The following THADA variants were observed in gnomAD, a reference collection of about 807,000 sequenced individuals.
THADA encodes the protein THADA armadillo repeat containing, also known as tRNA (32-2'-O)-methyltransferase regulator THADA.
THADA carries 213 observed loss-of-function variants against 219.8 expected under a neutral mutation model. The observed-to-expected ratio is 0.97, with a 90% CI of 0.87 to 1.09. THADA has a LOEUF of 1.09. Among genes scored for constraint, THADA ranks in the 50% least tolerant of loss-of-function variants. The probability of loss-of-function intolerance (pLI) is 0.00; values close to 1 mark genes in which losing one functional copy is unlikely to be tolerated. For missense variants in THADA, 2,956 were observed against 2,311.3 expected (o/e 1.28, Z -5.72); for synonymous variants, 1,018 against 828.9 (o/e 1.23, Z -3.92).
intron 29 of THADA, among the ~76,000 whole-genome samples, chr2:43,383,278 G>C (rs1672255474): frequency 6.6e-6 from 1 of 152,210 alleles, no homozygotes. Flanking sequence ...TATATGCTTA[G>C]TAATAGGTGT....
At chr2:43,313,815 A>C (rs1677774476) in intron 31 of THADA, among the ~76,000 whole-genome samples, 2 of 152,228 alleles carry the variant, frequency 1.3e-5, no homozygotes, top group South Asian at 4.1e-4. Context: ...TCCCTTCCCT[A>C]AGCGAGTGAC....
intron 30 of THADA, among the ~76,000 whole-genome samples, chr2:43,324,508 G>T (rs2104474840): frequency 6.6e-6 from 1 of 152,346 alleles, no homozygotes; most frequent in East Asian, 1.9e-4. Context: ...TGAAATTCCA[G>T]CCCGGAGCCC....
chr2:43,242,907 C>G (rs1374294339), intron 36 of THADA, among the ~76,000 whole-genome samples: 1 of 152,216 alleles, frequency 6.6e-6, no homozygotes, highest in African/African-American at 2.4e-5. Context: ...CTCCTCCACC[C>G]TGCCCAGTGC....
intron 36 of THADA, among the ~76,000 whole-genome samples, chr2:43,239,973 C>A (rs1668447314): frequency 6.6e-6 from 1 of 152,230 alleles, no homozygotes; most frequent in South Asian, 2.1e-4. Flanking sequence ...CAGAAAACCA[C>A]TCTAAGAGAG....
At chr2:43,465,926 G>C (rs561899160) in intron 26 of THADA, among the ~76,000 whole-genome samples, 11 of 152,206 alleles carry the variant, frequency 7.2e-5, no homozygotes, top group Admixed American at 6.5e-4. Flanking sequence ...GCTGTAAATG[G>C]CACCATGAGC....
intron 18 of THADA, 131 bp from the exon 19 acceptor site, chr2:43,552,056 TAC>T: frequency 1.3e-6 from 2 of 1,529,876 alleles, no homozygotes; most frequent in Non-Finnish European, 1.8e-6. Flanking sequence ...CATAAAAATA[TAC>T]ACAGATACGT....
At chr2:43,342,140 C>G (rs1667129682) in intron 30 of THADA, among the ~76,000 whole-genome samples, 2 of 152,138 alleles carry the variant, frequency 1.3e-5, no homozygotes, top group Non-Finnish European at 2.9e-5. Context: ...ACTTCAGCCC[C>G]AGGAGGTCAA....
chr2:43,358,890 G>A (rs1014806396), intron 29 of THADA, among the ~76,000 whole-genome samples: 4 of 152,102 alleles, frequency 2.6e-5, no homozygotes, highest in Non-Finnish European at 5.9e-5. Context: ...TAAACAAAAG[G>A]AAAAGACTGT....
At chr2:43,401,774 G>C (rs1319641071) in intron 28 of THADA, among the ~76,000 whole-genome samples, 1 of 152,182 alleles carries the variant, frequency 6.6e-6, no homozygotes, top group Non-Finnish European at 1.5e-5. Flanking sequence ...TGAGGGCTAA[G>C]TGTAAGCAAT....
chr2:43,510,080 G>C (rs1658378728), intron 22 of THADA, among the ~76,000 whole-genome samples: 1 of 152,178 alleles, frequency 6.6e-6, no homozygotes, highest in Non-Finnish European at 1.5e-5. Flanking sequence ...TCAAGTAACA[G>C]AGGAAATTTA....
Position 43,392,113 on chromosome 2 carries a change from C to T in THADA, c.4227+5858G>A, listed in dbSNP as rs574479247. Among the ~76,000 whole-genome samples the T allele has an allele frequency of 1.7e-3, 265 of 152,300 alleles. 1 individual carries two copies. The highest frequency in any genetic ancestry group is 5.8e-3 in the African/African-American group (240 of 41,576). ...AATGGAGACGGCCAACATCTTAGGT[C>T]GCCAAATGGAATCTATCAAGAAATG... On this transcript the variant is annotated intron_variant, in intron 29 of 37. Coordinates refer to ENST00000405975, the MANE Select transcript of THADA (RefSeq NM_022065.5).
chr2:43,432,327 C>T (rs1415458021), intron 26 of THADA, among the ~76,000 whole-genome samples: 1 of 152,138 alleles, frequency 6.6e-6, no homozygotes, highest in African/African-American at 2.4e-5. Flanking sequence ...TCACTCAGCA[C>T]AGAGTTTATG....
At chr2:43,545,246 C>A (rs1301070628) in intron 20 of THADA, among the ~76,000 whole-genome samples, 2 of 151,290 alleles carry the variant, frequency 1.3e-5, no homozygotes, top group Non-Finnish European at 2.9e-5. Context: ...GGTGGATAAG[C>A]TTTTTAATGT....
chr2:43,501,686 G>C (rs1344565996), intron 24 of THADA, among the ~76,000 whole-genome samples: 2 of 152,214 alleles, frequency 1.3e-5, no homozygotes, highest in African/African-American at 4.8e-5. Flanking sequence ...GCTCACGCCT[G>C]TAATCCCAGC....
intron 26 of THADA, among the ~76,000 whole-genome samples, chr2:43,435,785 A>G (rs1415860767): frequency 1.4e-5 from 2 of 147,282 alleles, no homozygotes; most frequent in African/African-American, 4.9e-5. Flanking sequence ...TGCCACCAAA[A>G]AAAAAAAAAA....
At chr2:43,439,332 T>A (rs1056453235) in intron 26 of THADA, among the ~76,000 whole-genome samples, 9 of 152,216 alleles carry the variant, frequency 5.9e-5, no homozygotes, top group African/African-American at 1.9e-4. Context: ...ATTGTTATAA[T>A]TGCTCTATTT....
intron 28 of THADA, among the ~76,000 whole-genome samples, chr2:43,420,734 C>A (rs894579196): frequency 6.6e-6 from 1 of 152,120 alleles, no homozygotes. Context: ...TTGGCCAGGC[C>A]CCTATCTAGG....
chr2:43,548,988 G>A (rs1020084979), intron 20 of THADA, among the ~76,000 whole-genome samples: 1 of 152,208 alleles, frequency 6.6e-6, no homozygotes, highest in South Asian at 2.1e-4. Context: ...GTAGACTGGA[G>A]CTGTTCCTAT....
At chr2:43,539,539 G>A (rs993285520) in intron 21 of THADA, among the ~76,000 whole-genome samples, 5 of 152,170 alleles carry the variant, frequency 3.3e-5, no homozygotes, top group African/African-American at 1.2e-4. Context: ...GCAATACGAA[G>A]AATCAAGTTT....
Sources: gnomAD v4.1 joint callset for allele counts (sites outside exome capture counted in the v4.1 genomes callset) on GRCh38, gnomAD v4.1.1 for gene constraint, MANE v1.5 for transcripts, NCBI Gene and HGNC (gene_info 2026-07-23, HGNC 2026-07-21) for gene names.